Variants in INSYN2B observed in about 807,000 individuals in gnomAD.
INSYN2B encodes the protein inhibitory synaptic factor family member 2B, also known as protein INSYN2B.
Under a neutral mutation model 41.2 loss-of-function variants are expected in INSYN2B, and 16 were observed. That is an observed-to-expected ratio of 0.39 (90% CI 0.26 to 0.59). The LOEUF (loss-of-function observed/expected upper bound fraction) is 0.59. Ranked by LOEUF, INSYN2B falls within the 20% of genes least tolerant of loss-of-function variation. INSYN2B has a pLI of 0.57. For synonymous variants in INSYN2B, 245 were observed against 244.4 expected (o/e 1.00, Z -0.02); for missense variants, 608 against 646.4 (o/e 0.94, Z 0.64).
At chr5:169,956,817 A>G (rs1018885398) in intron 1 of INSYN2B, among the ~76,000 whole-genome samples, 3 of 152,086 alleles carry the variant, frequency 2.0e-5, no homozygotes, top group African/African-American at 4.8e-5. Flanking sequence ...AAATAAATTC[A>G]TTTTCAAGGT....
At chr5:169,946,550 T>C (rs971311871) in intron 1 of INSYN2B, among the ~76,000 whole-genome samples, 2 of 152,186 alleles carry the variant, frequency 1.3e-5, no homozygotes, top group Non-Finnish European at 1.5e-5. Context: ...GGATCTGGCA[T>C]AGTCACTCAT....
intron 1 of INSYN2B, among the ~76,000 whole-genome samples, chr5:169,957,368 C>T (rs115066642): frequency 3.2e-4 from 48 of 152,352 alleles, no homozygotes; most frequent in African/African-American, 1.1e-3. Flanking sequence ...ACAAAATAGA[C>T]AAAGTACTTA....
At chr5:169,974,837 T>TC (rs1249238135) in intron 1 of INSYN2B, among the ~76,000 whole-genome samples, 1 of 150,038 alleles carries the variant, frequency 6.7e-6, no homozygotes, top group Non-Finnish European at 1.5e-5. Context: ...GTGACCCCCC[T>TC]CCCCCCGACA....
intron 3 of INSYN2B, among the ~76,000 whole-genome samples, chr5:169,871,343 C>A (rs1771957494): frequency 6.6e-6 from 1 of 152,056 alleles, no homozygotes; most frequent in South Asian, 2.1e-4. Context: ...GTACCTGGGC[C>A]ACATTAGATT....
intron 2 of INSYN2B, 36 bp downstream of exon 2, chr5:169,882,517 C>T: frequency 6.0e-6 from 9 of 1,494,098 alleles, no homozygotes; most frequent in African/African-American, 2.8e-5. Context: ...ATGACTTCAC[C>T]CAGTCATTTT....
chr5:169,875,113 T>TA (rs1772239668), intron 3 of INSYN2B: 1 of 431,056 alleles, frequency 2.3e-6, no homozygotes, highest in Admixed American at 2.6e-5. Context: ...AAGTATTTTT[T>TA]ATTCATGGGC....
chr5:169,927,628 G>GT (rs1256747207), intron 1 of INSYN2B, among the ~76,000 whole-genome samples: 3 of 152,220 alleles, frequency 2.0e-5, no homozygotes, highest in Admixed American at 6.5e-5. Context: ...AAAAATTCTT[G>GT]TTTTTTGAGA....
At chr5:169,901,717 T>A (rs539209799) in intron 1 of INSYN2B, among the ~76,000 whole-genome samples, 1 of 152,222 alleles carries the variant, frequency 6.6e-6, no homozygotes, top group East Asian at 1.9e-4. Flanking sequence ...TTAATTTGAT[T>A]TGAGTGGATT....
At chr5:169,979,242 C>T (rs1159663795) in intron 1 of INSYN2B, among the ~76,000 whole-genome samples, 3 of 152,168 alleles carry the variant, frequency 2.0e-5, no homozygotes, top group Admixed American at 6.5e-5. Context: ...GTTTGAACAA[C>T]GTCAGTGTTA....
chr5:169,929,241 A>G (rs1053600608), intron 1 of INSYN2B, among the ~76,000 whole-genome samples: 13 of 152,150 alleles, frequency 8.5e-5, no homozygotes, highest in Non-Finnish European at 2.9e-5. Context: ...GTATTTTCCA[A>G]TCTCTTCCTC....
chr5:169,918,384 AAGG>A (rs1359305074), intron 1 of INSYN2B, among the ~76,000 whole-genome samples: 1 of 152,202 alleles, frequency 6.6e-6, no homozygotes, highest in East Asian at 1.9e-4. Context: ...ACACATGTAC[AAGG>A]AGGTTACTGT....
At chr5:169,932,660 T>C (rs1044476876) in intron 1 of INSYN2B, among the ~76,000 whole-genome samples, 43 of 151,990 alleles carry the variant, frequency 2.8e-4, no homozygotes, top group African/African-American at 1.0e-3. Flanking sequence ...TATAAACACA[T>C]GTAAGGAGAA....
chr5:169,956,587 G>T (rs1776877891), intron 1 of INSYN2B, among the ~76,000 whole-genome samples: 1 of 152,182 alleles, frequency 6.6e-6, no homozygotes, highest in Non-Finnish European at 1.5e-5. Context: ...GCTGGGCACA[G>T]GTATATTTTG....
chr5:169,869,693 G>A (rs1771826729), intron 3 of INSYN2B, among the ~76,000 whole-genome samples: 1 of 152,220 alleles, frequency 6.6e-6, no homozygotes, highest in African/African-American at 2.4e-5. Context: ...AAAGGAGTAA[G>A]TTGCCAACTT....
chr5:169,863,275 CTG>C lies in INSYN2B; in HGVS notation c.*996_*997del, dbSNP rs1188674015. On this transcript the variant is annotated 3_prime_UTR_variant, in exon 4 of 4. Transcript: ENST00000377365. ...ATTGTCTGGTCACCAGGAAGGGAGA[CTG>C]TGTCGATTAATATATGTTTGAACCT... 6.6e-6 allele frequency among the ~76,000 whole-genome samples: 1 copy of C among 152,198 alleles called. No individual in the cohort carries two copies. Among genetic ancestry groups the C allele is most frequent in the Non-Finnish European group, 1.5e-5 (1 of 68,036 alleles).
intron 1 of INSYN2B, among the ~76,000 whole-genome samples, chr5:169,893,260 G>A (rs1773401194): frequency 6.6e-6 from 1 of 152,178 alleles, no homozygotes; most frequent in South Asian, 2.1e-4. Context: ...TGCTGCTGCT[G>A]AATCTGAAAG....
chr5:169,896,687 C>T (rs1773629034), intron 1 of INSYN2B, among the ~76,000 whole-genome samples: 1 of 152,104 alleles, frequency 6.6e-6, no homozygotes, highest in South Asian at 2.1e-4. Flanking sequence ...AGTGTGAGAA[C>T]CAGCAAAGAT....
intron 1 of INSYN2B, among the ~76,000 whole-genome samples, chr5:169,975,436 G>A (rs147630402): frequency 8.6e-4 from 131 of 152,248 alleles, no homozygotes; most frequent in African/African-American, 2.2e-3. Flanking sequence ...CCAAGGGCCC[G>A]TGGGATCAGA....
At chr5:169,869,319 A>T (rs1771793655) in intron 3 of INSYN2B, among the ~76,000 whole-genome samples, 1 of 152,158 alleles carries the variant, frequency 6.6e-6, no homozygotes, top group South Asian at 2.1e-4. Flanking sequence ...CCCTCTTGTG[A>T]CTGCCCCCAC....
Sources: allele counts gnomAD v4.1 joint callset (sites outside exome capture counted in the v4.1 genomes callset), GRCh38; gene constraint gnomAD v4.1.1; transcripts MANE v1.5; gene names NCBI Gene and HGNC (gene_info 2026-07-23, HGNC 2026-07-21).